ABHD2: variants seen among roughly 807,000 people sequenced by gnomAD.
ABHD2 encodes the protein monoacylglycerol lipase ABHD2.
Under a neutral mutation model 48.1 loss-of-function variants are expected in ABHD2, and 20 were observed. That is an observed-to-expected ratio of 0.42 (90% CI 0.29 to 0.60). The LOEUF is 0.60. Ranked by LOEUF, ABHD2 falls within the 20% of genes least tolerant of loss-of-function variation. ABHD2 has a pLI of 0.24. For missense variants in ABHD2, 405 were observed against 550.9 expected, an observed-to-expected ratio of 0.74 and a Z score of 2.65; for synonymous variants, 209 against 214.2, an observed-to-expected ratio of 0.98 and a Z score of 0.21.
In ABHD2 at chr15:89,166,923, C is replaced by T. The variant is rs1038989907; in HGVS notation, c.539-8889C>T. Among the ~76,000 whole-genome samples, 2 of 152,104 alleles carry T rather than the reference C, an allele frequency of 1.3e-5. No homozygotes were observed. Among genetic ancestry groups the T allele is most frequent in the Non-Finnish European group, 2.9e-5 (2 of 68,010 alleles). On this transcript the variant is annotated intron_variant, in intron 5 of 10. Coordinates refer to ENST00000352732, the MANE Select transcript of ABHD2 (RefSeq NM_152924.5). The surrounding 1 kb of genome is among the most constrained non-coding windows in gnomAD (Gnocchi z 4.6). ...AAGGGAGGGAGACCCCATCTCCCTC[C>T]ATCTAATTACACATTCCAATTGAGA... is the stretch of plus-strand genomic sequence containing the variant.
chr15:89,114,724 T>A lies in ABHD2; in HGVS notation c.-7+900T>A, dbSNP rs1042289004. Among the ~76,000 whole-genome samples, 1 of 152,132 alleles carries A rather than the reference T, an allele frequency of 6.6e-6. No individual in the cohort carries two copies. The highest frequency in any genetic ancestry group is 2.1e-4 in the South Asian group (1 of 4,822). ...GTCTCGAACTCCTGAGCTCAAGTGA[T>A]CCACCCACTTTGGCCTCCCAAAGTG... On this transcript the variant is annotated intron_variant, in intron 2 of 10. Transcript: ENST00000352732. This position sits in a 1 kb window ranked among gnomAD's most constrained non-coding sequence, Gnocchi z 4.2.
At chr15:89,074,750 G>T in the ABHD2 span, among the ~76,000 whole-genome samples, 1 of 152,154 alleles carries the variant, frequency 6.6e-6, no homozygotes, top group Admixed American at 6.5e-5. Context: ...AACCTAGCTT[G>T]CTTTGTCATT....
At chr15:89,138,855 T>C (rs1361226933) in intron 3 of ABHD2, among the ~76,000 whole-genome samples, 1 of 55,936 alleles carries the variant, frequency 1.8e-5, no homozygotes, top group African/African-American at 6.1e-5. Flanking sequence ...TAATCCTAGC[T>C]TTTTTTTTTT....
At chr15:89,079,372 T>C in the ABHD2 span, among the ~76,000 whole-genome samples, 1 of 152,254 alleles carries the variant, frequency 6.6e-6, no homozygotes, top group Non-Finnish European at 1.5e-5. The surrounding 1 kb of genome is among the most constrained non-coding windows in gnomAD (Gnocchi z 4.3). Context: ...CCACAGATCC[T>C]ATGGTAACTT....
At chr15:89,153,188 A>G (rs1208364275) in intron 4 of ABHD2, among the ~76,000 whole-genome samples, 1 of 152,174 alleles carries the variant, frequency 6.6e-6, no homozygotes, top group East Asian at 1.9e-4. Context: ...TTTCCTTCTC[A>G]GTAAATCCAT....
At chr15:89,119,858 A>G (rs1053240513) in intron 3 of ABHD2, among the ~76,000 whole-genome samples, 1 of 152,188 alleles carries the variant, frequency 6.6e-6, no homozygotes, top group African/African-American at 2.4e-5. Context: ...AGGGCAGGAA[A>G]CACGTCTGTT....
At chr15:89,098,507 T>C (rs1369884191) in intron 1 of ABHD2, among the ~76,000 whole-genome samples, 1 of 152,174 alleles carries the variant, frequency 6.6e-6, no homozygotes, top group Admixed American at 6.5e-5. Flanking sequence ...TAACTGAGCT[T>C]CCAACCCCTT....
At chr15:89,052,429 G>T in the ABHD2 span, among the ~76,000 whole-genome samples, 4 of 151,982 alleles carry the variant, frequency 2.6e-5, no homozygotes, top group Non-Finnish European at 5.9e-5. Flanking sequence ...GAATTTCATG[G>T]TGGCCAAAGC....
intron 1 of ABHD2, among the ~76,000 whole-genome samples, chr15:89,111,617 C>G (rs2049876445): frequency 6.6e-6 from 1 of 152,182 alleles, no homozygotes; most frequent in South Asian, 2.1e-4. Context: ...AAAGGGCAGA[C>G]AAAGGGTGAA....
At chr15:89,138,853 G>A (rs2050357065) in intron 3 of ABHD2, among the ~76,000 whole-genome samples, 2 of 126,224 alleles carry the variant, frequency 1.6e-5, no homozygotes, top group South Asian at 5.3e-4. Flanking sequence ...TCTAATCCTA[G>A]CTTTTTTTTT....
intron 3 of ABHD2, among the ~76,000 whole-genome samples, chr15:89,123,986 G>T (rs1486257060): frequency 6.6e-6 from 1 of 152,126 alleles, no homozygotes; most frequent in Non-Finnish European, 1.5e-5. Flanking sequence ...CTCTATTGCT[G>T]TTGTACATAC....
chr15:89,131,608 TGA>T (rs1261870468), intron 3 of ABHD2, among the ~76,000 whole-genome samples: 4 of 152,238 alleles, frequency 2.6e-5, no homozygotes, highest in African/African-American at 7.2e-5. Flanking sequence ...GACAAATTGA[TGA>T]TTGGCACATA....
At position 89,170,973 on chromosome 15, in the gene ABHD2, C is replaced by T. The variant is rs572151588; in HGVS notation, c.539-4839C>T. ...TCTACTAAAAATACAAAAATTAGCC[C>T]GGCGTGGTGGTGGGCGCCTGTAATC... On this transcript the variant is annotated intron_variant, in intron 5 of 10. Coordinates refer to ENST00000352732, the MANE Select transcript of ABHD2 (RefSeq NM_152924.5). 7.9e-5 allele frequency among the ~76,000 whole-genome samples: 12 copies of T among 151,988 alleles called. 1 individual carries two copies. In the South Asian group the frequency reaches 1.5e-3, roughly 18 times the overall value.
chr15:89,147,018 A>G (rs892300298), intron 3 of ABHD2, among the ~76,000 whole-genome samples: 4 of 152,226 alleles, frequency 2.6e-5, no homozygotes, highest in Non-Finnish European at 5.9e-5. Context: ...CTATCAAAGT[A>G]TCTCATAAAG....
the ABHD2 span, among the ~76,000 whole-genome samples, chr15:89,064,418 C>T: frequency 1.3e-5 from 2 of 151,826 alleles, no homozygotes; most frequent in African/African-American, 4.8e-5. Context: ...TTAGTAGAGA[C>T]GGGGTTTCAC....
chr15:89,114,762 C>T lies in ABHD2; in HGVS notation c.-7+938C>T, dbSNP rs894960296. ...GCCTCCCAAAGTGCATGATTACAGG[C>T]ATGAGCCATGGTGCCCAGCCCAGAA... On this transcript the variant is annotated intron_variant, in intron 2 of 10. Coordinates refer to ENST00000352732, the MANE Select transcript of ABHD2 (RefSeq NM_152924.5). The surrounding 1 kb of genome is among the most constrained non-coding windows in gnomAD (Gnocchi z 4.2). Among the ~76,000 whole-genome samples, 5 of 152,198 alleles carry T rather than the reference C, an allele frequency of 3.3e-5. No homozygotes were observed. Among genetic ancestry groups the T allele is most frequent in the Non-Finnish European group, 7.3e-5 (5 of 68,030 alleles).
the ABHD2 span, among the ~76,000 whole-genome samples, chr15:89,062,935 C>G: frequency 6.7e-6 from 1 of 149,784 alleles, no homozygotes; most frequent in Non-Finnish European, 1.5e-5. Flanking sequence ...TTGAGTATGT[C>G]AGGTCTGTTT....
rs2050968502 is a variant in ABHD2, at chr15:89,173,878, G to A, written c.539-1934G>A. Among the ~76,000 whole-genome samples, 1 of 152,156 alleles carries A rather than the reference G, an allele frequency of 6.6e-6. No individual in the cohort carries two copies. The highest frequency in any genetic ancestry group is 2.1e-4 in the South Asian group (1 of 4,826). ...CTGCCTTCTCAAAGTTGGTGCCTGGGTCCTGCTGTTTGGGAGGAAGCAGCT... is the reference window on the plus strand; with the variant it reads ...CTGCCTTCTCAAAGTTGGTGCCTGGATCCTGCTGTTTGGGAGGAAGCAGCT... On this transcript the variant is annotated intron_variant, in intron 5 of 10. Coordinates refer to ENST00000352732, the MANE Select transcript of ABHD2 (RefSeq NM_152924.5). The surrounding 1 kb of genome is among the most constrained non-coding windows in gnomAD (Gnocchi z 6.5).
At position 89,185,402 on chromosome 15, in the gene ABHD2, T is replaced by G; in HGVS notation, c.723-22T>G. On this transcript the variant is annotated intron_variant, in intron 6 of 10. Transcript: ENST00000352732. This position sits in a 1 kb window ranked among gnomAD's most constrained non-coding sequence, Gnocchi z 5.9. ...CTGCACCCCCACACCGCAGTCACCC[T>G]CACTCGCTGTGGTTCTTCCAGGGCC... The G allele has an allele frequency of 6.2e-7, 1 of 1,609,818 alleles. No individual in the cohort carries two copies. The highest frequency in any genetic ancestry group is 8.5e-7 in the Non-Finnish European group (1 of 1,176,302).
Sources: gnomAD v4.1 joint callset for allele counts (sites outside exome capture counted in the v4.1 genomes callset) on GRCh38, gnomAD v4.1.1 for gene constraint, Gnocchi (gnomAD v3.1) non-coding constraint, MANE v1.5 for transcripts, NCBI Gene and HGNC (gene_info 2026-07-23, HGNC 2026-07-21) for gene names.